Variants in AKAP10 observed in about 807,000 individuals in gnomAD.
AKAP10 encodes A-kinase anchoring protein 10, also known as A-kinase anchor protein 10, mitochondrial.
In AKAP10, 24 loss-of-function variants were observed where a neutral mutation model predicts 80.8. That is an observed-to-expected ratio of 0.30 (90% CI 0.22 to 0.42). AKAP10 has a LOEUF of 0.42. Ranked by LOEUF, AKAP10 falls within the 10% of genes least tolerant of loss-of-function variation. The pLI, the probability that AKAP10 is intolerant of heterozygous loss-of-function variation, is 1.00. For synonymous variants in AKAP10, 291 were observed against 277.7 expected (o/e 1.05, Z -0.48); for missense variants, 661 against 794.9 (o/e 0.83, Z 2.03).
intron 9 of AKAP10, among the ~76,000 whole-genome samples, chr17:19,932,980 G>A (rs1377679554): frequency 2.0e-5 from 3 of 151,974 alleles, no homozygotes; most frequent in African/African-American, 7.2e-5. Context: ...AGTATAATTT[G>A]TAAATATTTA....
intron 10 of AKAP10, 57 bp from the exon 11 acceptor site, chr17:19,924,574 A>C: frequency 8.8e-7 from 1 of 1,141,738 alleles, no homozygotes; most frequent in Non-Finnish European, 1.2e-6. Flanking sequence ...TGGGCTTGGA[A>C]TGTGACAGAT....
intron 4 of AKAP10, among the ~76,000 whole-genome samples, chr17:19,949,700 G>A (rs533569436): frequency 3.3e-5 from 5 of 150,916 alleles, no homozygotes; most frequent in East Asian, 2.0e-4. Flanking sequence ...CCCAGGAGGC[G>A]GAGGTTGCAG....
intron 12 of AKAP10, among the ~76,000 whole-genome samples, chr17:19,916,080 G>A (rs995250418): frequency 1.3e-5 from 2 of 152,130 alleles, no homozygotes; most frequent in African/African-American, 4.8e-5. Flanking sequence ...CTAGCTTCGG[G>A]CCTCTATCCT....
In AKAP10 at chr17:19,963,351, G is replaced by T. The variant is rs75864390; in HGVS notation, c.137-329C>A. Among the ~76,000 whole-genome samples, 405 of 151,368 alleles carry T rather than the reference G, an allele frequency of 2.7e-3. 16 individuals carry two copies. The East Asian group carries it at 0.074, about 28-fold the overall frequency. On this transcript the variant is annotated intron_variant, in intron 2 of 14. Transcript: ENST00000225737. The stretch of plus-strand genomic sequence containing the variant: ...CTGCCTCAGCCTCCCAAGTAGCCAG[G>T]ATTACAGGCATGAGCCACCACACCC...
At chr17:19,907,770 T>A (rs1200405157) in intron 14 of AKAP10, among the ~76,000 whole-genome samples, 1 of 152,162 alleles carries the variant, frequency 6.6e-6, no homozygotes, top group Non-Finnish European at 1.5e-5. Flanking sequence ...ATTCATCATC[T>A]TTCTCACATC....
chr17:19,904,602 A>G lies in AKAP10; in HGVS notation c.*1625T>C, dbSNP rs946595755. The G allele has an allele frequency of 1.3e-5, 2 of 152,224 alleles. No individual in the cohort carries two copies. Among genetic ancestry groups the G allele is most frequent in the African/African-American group, 2.4e-5 (1 of 41,458 alleles). 9.4% of individuals were successfully genotyped at this position (152,224 alleles called of 1,614,324 possible). Reference sequence around the variant, plus strand: ...GAATTAATCACAGCATAGATGACTAATAAAAACCTTGGGTTTATGCCATAC... The same window carrying G: ...GAATTAATCACAGCATAGATGACTAGTAAAAACCTTGGGTTTATGCCATAC... On this transcript the variant is annotated 3_prime_UTR_variant, in exon 15 of 15. Transcript: ENST00000225737.
chr17:19,969,131 G>A (rs939282621), intron 1 of AKAP10, among the ~76,000 whole-genome samples: 4 of 152,164 alleles, frequency 2.6e-5, no homozygotes, highest in Non-Finnish European at 5.9e-5. Flanking sequence ...ATCACCTGAG[G>A]TCAGTAGCTC....
At chr17:19,926,946 C>T (rs1278858160) in intron 10 of AKAP10, among the ~76,000 whole-genome samples, 2 of 152,150 alleles carry the variant, frequency 1.3e-5, no homozygotes, top group East Asian at 1.9e-4. Flanking sequence ...CATGGTGAAA[C>T]ACTGTCTCTA....
chr17:19,915,911 T>C (rs2042737793), intron 12 of AKAP10, among the ~76,000 whole-genome samples: 1 of 152,200 alleles, frequency 6.6e-6, no homozygotes, highest in African/African-American at 2.4e-5. Flanking sequence ...ATAAATCCCA[T>C]CATTTCCCTG....
chr17:19,967,069 T>C (rs1597530810), intron 2 of AKAP10, among the ~76,000 whole-genome samples: 1 of 152,064 alleles, frequency 6.6e-6, no homozygotes, highest in Non-Finnish European at 1.5e-5. Context: ...AAATACTCAG[T>C]GCAAGCAATA....
intron 1 of AKAP10, among the ~76,000 whole-genome samples, chr17:19,969,187 T>C (rs1014549898): frequency 7.2e-5 from 11 of 151,882 alleles, no homozygotes; most frequent in African/African-American, 2.4e-4. Flanking sequence ...CTACTAAAAA[T>C]ACAAAACAAT....
At chr17:19,914,756 G>A (rs1464492230) in intron 12 of AKAP10, among the ~76,000 whole-genome samples, 2 of 151,952 alleles carry the variant, frequency 1.3e-5, no homozygotes, top group Non-Finnish European at 2.9e-5. Flanking sequence ...ATATTGAGAT[G>A]AGAAGGAGGA....
In AKAP10 at chr17:19,912,520, G is replaced by C. The variant is rs140200576; in HGVS notation, c.1835-2542C>G. Among the ~76,000 whole-genome samples the C allele has an allele frequency of 2.6e-3, 400 of 152,254 alleles. 1 individual carries two copies. The highest frequency in any genetic ancestry group is 9.1e-3 in the African/African-American group (378 of 41,554). The stretch of plus-strand genomic sequence containing the variant: ...CCACTGCACTCCAGCCTGGGTGACA[G>C]AGCAAGACTCCATCTCAGAAAAAAA... On this transcript the variant is annotated intron_variant, in intron 12 of 14. Coordinates refer to ENST00000225737, the MANE Select transcript of AKAP10 (RefSeq NM_007202.4).
At chr17:19,952,502 A>ATAAC (rs1227978917) in intron 4 of AKAP10, among the ~76,000 whole-genome samples, 3 of 149,800 alleles carry the variant, frequency 2.0e-5, no homozygotes, top group Non-Finnish European at 4.4e-5. Context: ...AAATAAATAA[A>ATAAC]TAACACTACC....
intron 4 of AKAP10, among the ~76,000 whole-genome samples, chr17:19,950,543 G>A (rs193166340): frequency 1.3e-5 from 2 of 152,252 alleles, no homozygotes; most frequent in Non-Finnish European, 2.9e-5. Context: ...GCTCCTGACC[G>A]CGAGTGATCT....
chr17:19,968,201 CAAAAAAA>C (rs34802640), intron 2 of AKAP10, among the ~76,000 whole-genome samples: 1 of 68,912 alleles, frequency 1.5e-5, no homozygotes, highest in Non-Finnish European at 2.8e-5. Context: ...ACTCCGTCTC[CAAAAAAA>C]AAAAAAAAAA....
chr17:19,941,752 C>A, intron 6 of AKAP10, 74 bp downstream of exon 6: 1 of 1,095,868 alleles, frequency 9.1e-7, no homozygotes, highest in Admixed American at 3.0e-5. Context: ...TTGTTTTTAG[C>A]TGAGTGAAGC....
chr17:19,923,942 C>T (rs557668885), intron 11 of AKAP10, among the ~76,000 whole-genome samples: 1 of 152,284 alleles, frequency 6.6e-6, no homozygotes, highest in East Asian at 1.9e-4. Context: ...CACACCTTTA[C>T]ATGTTAATCA....
At chr17:19,964,852 G>A (rs1329064233) in intron 2 of AKAP10, among the ~76,000 whole-genome samples, 1 of 152,162 alleles carries the variant, frequency 6.6e-6, no homozygotes, top group African/African-American at 2.4e-5. Context: ...GCGCGATCTC[G>A]CCACTGCCCT....
Sources: gnomAD v4.1 joint callset for allele counts (sites outside exome capture counted in the v4.1 genomes callset) on GRCh38, gnomAD v4.1.1 for gene constraint, MANE v1.5 for transcripts, NCBI Gene and HGNC (gene_info 2026-07-23, HGNC 2026-07-21) for gene names.